ATP11B: variants seen among roughly 807,000 people sequenced by gnomAD.
ATP11B encodes the protein phospholipid-transporting ATPase IF.
ATP11B carries 81 observed loss-of-function variants against 157.8 expected under a neutral mutation model. The ratio of observed to expected loss-of-function variants is 0.51; its 90% CI spans 0.43 to 0.62. ATP11B has a LOEUF of 0.62. Among genes scored for constraint, ATP11B ranks in the 20% least tolerant of loss-of-function variants. ATP11B has a pLI of 0.00. For synonymous variants in ATP11B, 451 were observed against 469.4 expected (o/e 0.96, Z 0.51); for missense variants, 1,165 against 1,402.2 (o/e 0.83, Z 2.70).
intron 28 of ATP11B, among the ~76,000 whole-genome samples, chr3:182,909,345 A>T (rs1724601672): frequency 6.6e-6 from 1 of 152,226 alleles, no homozygotes; most frequent in Non-Finnish European, 1.5e-5. Context: ...GCACTAAATT[A>T]TGTGGTCATT....
At chr3:182,883,418 C>T (rs937084605) in intron 21 of ATP11B, among the ~76,000 whole-genome samples, 8 of 151,668 alleles carry the variant, frequency 5.3e-5, no homozygotes, top group African/African-American at 1.7e-4. Context: ...CCACCATGCC[C>T]AACTAATTTT....
chr3:182,836,176 A>G, intron 5 of ATP11B, 34 bp downstream of exon 5: 1 of 1,586,596 alleles, frequency 6.3e-7, no homozygotes, highest in Non-Finnish European at 8.6e-7. Flanking sequence ...AATCAACTTT[A>G]TCTTGATATC....
chr3:182,869,407 A>G (rs894946779), intron 17 of ATP11B, 76 bp downstream of exon 17: 2 of 1,004,992 alleles, frequency 2.0e-6, no homozygotes, highest in Non-Finnish European at 1.4e-6. Flanking sequence ...ATTTCTTATA[A>G]TTTATCAAAA....
chr3:182,793,897 C>G, intron 1 of ATP11B, 111 bp downstream of exon 1: 1 of 615,770 alleles, frequency 1.6e-6, no homozygotes. Flanking sequence ...GGCGTGGGCG[C>G]CCGGCTAGGC....
chr3:182,801,330 A>G (rs918600069), intron 1 of ATP11B, among the ~76,000 whole-genome samples: 3 of 152,230 alleles, frequency 2.0e-5, no homozygotes, highest in African/African-American at 7.2e-5. Context: ...ATAGGTATCA[A>G]TCATTCATTC....
intron 28 of ATP11B, chr3:182,905,822 C>G (rs1043916322): frequency 4.4e-6 from 2 of 456,594 alleles, no homozygotes; most frequent in Admixed American, 2.3e-5. Flanking sequence ...TCAGTCAGCT[C>G]AGCATATGAA....
At chr3:182,813,754 G>T (rs894350571) in intron 1 of ATP11B, among the ~76,000 whole-genome samples, 2 of 151,936 alleles carry the variant, frequency 1.3e-5, no homozygotes, top group Non-Finnish European at 2.9e-5. Context: ...TTGAGGCAGG[G>T]TCTTACTCTG....
At chr3:182,869,047 GT>G in intron 15 of ATP11B, 30 bp from the exon 16 acceptor site, 1 of 1,478,244 alleles carries the variant, frequency 6.8e-7, no homozygotes, top group Non-Finnish European at 9.2e-7. Context: ...AAAAAGTAAA[GT>G]TTTTGTCTTT....
At chr3:182,842,667 A>C (rs1309590876) in intron 8 of ATP11B, among the ~76,000 whole-genome samples, 2 of 152,158 alleles carry the variant, frequency 1.3e-5, no homozygotes, top group Non-Finnish European at 2.9e-5. Flanking sequence ...AAAGGAGGGC[A>C]GGAGAAGGTC....
At position 182,891,071 on chromosome 3, in the gene ATP11B, ATTC is replaced by A. The variant is rs1213741930; in HGVS notation, c.2982+1528_2982+1530del. On this transcript the variant is annotated intron_variant, in intron 25 of 29. Coordinates refer to ENST00000323116, the MANE Select transcript of ATP11B (RefSeq NM_014616.3). The stretch of plus-strand genomic sequence containing the variant: ...CCTACATGCTTAGTCATGATTCTCA[ATTC>A]TTCTGAGAAACAGCTGTTAGCCTGG... Among the ~76,000 whole-genome samples the A allele has an allele frequency of 2.6e-5, 4 of 152,196 alleles. No homozygotes were observed. The East Asian group carries it at 7.7e-4, about 29-fold the overall frequency.
intron 28 of ATP11B, among the ~76,000 whole-genome samples, chr3:182,909,221 AAGC>A (rs1050961246): frequency 6.6e-6 from 1 of 152,242 alleles, no homozygotes; most frequent in Non-Finnish European, 1.5e-5. Context: ...ATGGAAATAA[AAGC>A]AGTGAGCCAG....
chr3:182,826,702 C>T (rs779909276), intron 2 of ATP11B, among the ~76,000 whole-genome samples: 14 of 152,094 alleles, frequency 9.2e-5, no homozygotes, highest in Non-Finnish European at 1.8e-4. Flanking sequence ...ATAATTTCAC[C>T]AAAGAAGGAA....
intron 1 of ATP11B, among the ~76,000 whole-genome samples, chr3:182,809,953 T>A (rs1716549758): frequency 6.6e-6 from 1 of 152,182 alleles, no homozygotes; most frequent in Non-Finnish European, 1.5e-5. Context: ...AAGGCAAGAA[T>A]TGCAGATCAG....
chr3:182,869,273 C>T lies in ATP11B; in HGVS notation c.1808C>T (p.Pro603Leu). Residue 603 changes from proline (P) to leucine (L), a missense_variant, in exon 17 of 30, where the codon CCT becomes CTT. Coordinates refer to ENST00000323116, the MANE Select transcript of ATP11B (RefSeq NM_014616.3). ...FAKGAESSIL[P>L]KCIGGEIEKT... ...AAAGGAGCTGAGTCATCAATTCTCC[C>T]TAAATGTATAGGTGGAGAAATAGAA... The T allele has an allele frequency of 3.7e-6, 6 of 1,610,514 alleles. No homozygotes were observed. The highest frequency in any genetic ancestry group is 5.1e-6 in the Non-Finnish European group (6 of 1,178,534).
At chr3:182,858,823 GA>G (rs1461983641) in intron 11 of ATP11B, among the ~76,000 whole-genome samples, 2 of 152,114 alleles carry the variant, frequency 1.3e-5, no homozygotes, top group Non-Finnish European at 2.9e-5. Flanking sequence ...AGTAGAATGG[GA>G]TAAATACACT....
chr3:182,873,831 GA>G lies in ATP11B; in HGVS notation c.2071del (p.Thr691LeufsTer5). On this transcript the variant is annotated frameshift_variant, in exon 19 of 30. Transcript: ENST00000323116. LOFTEE classifies it high-confidence loss of function. ...TTTCAGACTACAAGATAAAGTTCGA[GA>G]AACTATTGAAGCATTGAGAATGGCT... ...VEDRLQDKVR[E>X]TIEALRMAGI... The G allele has an allele frequency of 1.9e-6, 3 of 1,614,030 alleles. No individual in the cohort carries two copies. Among genetic ancestry groups the G allele is most frequent in the Non-Finnish European group, 2.5e-6 (3 of 1,179,950 alleles).
intron 28 of ATP11B, among the ~76,000 whole-genome samples, chr3:182,900,867 G>A (rs1290593679): frequency 6.6e-6 from 1 of 151,844 alleles, no homozygotes; most frequent in Non-Finnish European, 1.5e-5. Context: ...CCAACATGGT[G>A]AAAGCCTGTC....
At chr3:182,813,758 T>C (rs1716808601) in intron 1 of ATP11B, among the ~76,000 whole-genome samples, 1 of 152,174 alleles carries the variant, frequency 6.6e-6, no homozygotes, top group African/African-American at 2.4e-5. Context: ...GGCAGGGTCT[T>C]ACTCTGTTGC....
Position 182,880,283 on chromosome 3 carries a change from C to T in ATP11B, c.2407-596C>T, listed in dbSNP as rs138427743. Among the ~76,000 whole-genome samples the T allele has an allele frequency of 2.9e-3, 443 of 152,278 alleles. 4 individuals are homozygous for T. The highest frequency in any genetic ancestry group is 0.01 in the Middle Eastern group (3 of 294). On this transcript the variant is annotated intron_variant, in intron 20 of 29. Transcript: ENST00000323116. Reference sequence around the variant, plus strand: ...TCCCATATAGGTCTAATAAATTAAACGTCTAAGTTTTTGGGCTTCCTGGAA... The same window carrying T: ...TCCCATATAGGTCTAATAAATTAAATGTCTAAGTTTTTGGGCTTCCTGGAA...
Sources: allele counts gnomAD v4.1 joint callset (sites outside exome capture counted in the v4.1 genomes callset), GRCh38; gene constraint gnomAD v4.1.1; transcripts MANE v1.5; gene names NCBI Gene and HGNC (gene_info 2026-07-23, HGNC 2026-07-21).